Variants in PLA2R1 observed in about 807,000 individuals in gnomAD.
PLA2R1 encodes the protein secretory phospholipase A2 receptor.
In PLA2R1, 158 loss-of-function variants were observed where a neutral mutation model predicts 195.9. The observed-to-expected ratio is 0.81, with a 90% CI of 0.71 to 0.92. PLA2R1 has a LOEUF of 0.92. PLA2R1 is among the 40% of genes least tolerant of loss of function. The pLI, the probability that PLA2R1 is intolerant of heterozygous loss-of-function variation, is 0.00. For synonymous variants in PLA2R1, 586 were observed against 598.2 expected, an observed-to-expected ratio of 0.98 and a Z score of 0.30; for missense variants, 1,626 against 1,764.6, an observed-to-expected ratio of 0.92 and a Z score of 1.41.
At chr2:159,988,241 G>A (rs1690499698) in intron 11 of PLA2R1, among the ~76,000 whole-genome samples, 1 of 148,492 alleles carries the variant, frequency 6.7e-6, no homozygotes, top group South Asian at 2.2e-4. Flanking sequence ...AAATGAGTAA[G>A]AATGAGCTTG....
intron 1 of PLA2R1, among the ~76,000 whole-genome samples, chr2:160,055,917 C>A (rs1168860288): frequency 6.6e-6 from 1 of 152,170 alleles, no homozygotes; most frequent in Non-Finnish European, 1.5e-5. Flanking sequence ...CCACTGCCGC[C>A]TCCAGGTAGT....
Position 159,976,695 on chromosome 2 carries a change from C to A in PLA2R1, c.2427G>T (p.Trp809Cys). 1 of 1,605,242 alleles carries A rather than the reference C, an allele frequency of 6.2e-7. No individual in the cohort carries two copies. Among genetic ancestry groups the A allele is most frequent in the Non-Finnish European group, 8.5e-7 (1 of 1,172,636 alleles). Residue 809 changes from tryptophan (W) to cysteine (C), a missense_variant, in exon 16 of 30, where the codon TGG becomes TGT. Physicochemically the swap from Trp to Cys is radical, Grantham distance 215. Transcript: ENST00000283243. ...CAGAGTCATTCTTACCGTACTGGTA[C>A]CAGAACGGAATCTTGGGTTTCACAT... ...PRDVKPKIPF[W>C]YQYDVPWLFY...
intron 2 of PLA2R1, among the ~76,000 whole-genome samples, chr2:160,043,258 T>C (rs758458416): frequency 4.6e-5 from 7 of 151,892 alleles, no homozygotes; most frequent in Non-Finnish European, 1.0e-4. Context: ...GATGCCCTGT[T>C]TGCAAAGGGG....
At position 159,951,454 on chromosome 2, in the gene PLA2R1, G is replaced by A; in HGVS notation, c.3426C>T (p.Cys1142=). 1 of 1,612,352 alleles carries A rather than the reference G, an allele frequency of 6.2e-7. No individual in the cohort carries two copies. Among genetic ancestry groups the A allele is most frequent in the Non-Finnish European group, 8.5e-7 (1 of 1,178,370 alleles). The part of the protein sequence containing the change: ...NMTWYAAIKT[C]LMHKAQLVSI... ...TGACCAGTTGTGCTTTGTGCATCAGGCAGGTTTTTATTGCTGCATACCAAG... is the reference window on the plus strand; with the variant it reads ...TGACCAGTTGTGCTTTGTGCATCAGACAGGTTTTTATTGCTGCATACCAAG... Residue 1142 remains cysteine (C), a synonymous_variant, in exon 24 of 30, where the codon TGC becomes TGT. Transcript: ENST00000283243.
chr2:160,056,129 G>A (rs977453186), intron 1 of PLA2R1, among the ~76,000 whole-genome samples: 1 of 152,156 alleles, frequency 6.6e-6, no homozygotes, highest in Non-Finnish European at 1.5e-5. Flanking sequence ...ACTGCAGGTT[G>A]TGGCCCATTT....
At chr2:160,021,069 GAAAC>G (rs963259805) in intron 7 of PLA2R1, among the ~76,000 whole-genome samples, 6 of 152,250 alleles carry the variant, frequency 3.9e-5, no homozygotes, top group Non-Finnish European at 7.4e-5. Flanking sequence ...AAAAGGGCAT[GAAAC>G]AAACAAACTT....
intron 11 of PLA2R1, among the ~76,000 whole-genome samples, chr2:159,995,602 G>GGTC (rs1691158112): frequency 6.6e-6 from 1 of 151,892 alleles, no homozygotes; most frequent in South Asian, 2.1e-4. Context: ...TGTAGAACAA[G>GGTC]GTCGTTCTGT....
chr2:160,008,691 A>C (rs1692157208), intron 10 of PLA2R1, among the ~76,000 whole-genome samples: 1 of 152,256 alleles, frequency 6.6e-6, no homozygotes, highest in South Asian at 2.1e-4. Flanking sequence ...ATAAGAAATT[A>C]ATAAATTGGA....
rs5835779 is a variant in PLA2R1 at position 159,942,973 on chromosome 2, CT to C, written c.4145-815del. Among the ~76,000 whole-genome samples the C allele has an allele frequency of 5.8e-3, 802 of 139,334 alleles. 3 individuals carry two copies. The highest frequency in any genetic ancestry group is 0.011 in the Middle Eastern group (3 of 264). The allele number at this position is 139,334 out of a possible 152,430, so 91.4% of individuals were successfully genotyped here. Reference sequence around the variant, plus strand: ...CCATACTTTTAAAACCAGACTTGTTCTTTTTTTTTTTTTTTTGAGGCGAAGT... The same window carrying C: ...CCATACTTTTAAAACCAGACTTGTTCTTTTTTTTTTTTTTTGAGGCGAAGT... On this transcript the variant is annotated intron_variant, in intron 28 of 29. Transcript: ENST00000283243.
chr2:160,038,620 G>A (rs1031769049), intron 3 of PLA2R1, among the ~76,000 whole-genome samples: 3 of 152,184 alleles, frequency 2.0e-5, no homozygotes, highest in African/African-American at 7.2e-5. Context: ...TTGCCAAACT[G>A]TCTGTCTGAT....
At chr2:159,930,594 C>CT (rs748230452), downstream of PLA2R1, among the ~76,000 whole-genome samples, 15 of 152,112 alleles carry the variant, frequency 9.9e-5, no homozygotes, top group Non-Finnish European at 1.9e-4. Context: ...CGGAGTCAGA[C>CT]TTTCTCTCAG....
At position 159,935,173 on chromosome 2, in the gene PLA2R1, CT is replaced by C. The variant is rs1344046134; in HGVS notation, c.*6604del. ...ATGCTGATGTGGCTTATTACTGCTT[CT>C]GTTAACCTTGATCCCTTGATTAAAG... On this transcript the variant is annotated 3_prime_UTR_variant, in exon 30 of 30. Coordinates refer to ENST00000283243, the MANE Select transcript of PLA2R1 (RefSeq NM_007366.5). The C allele has an allele frequency of 6.6e-6, 1 of 152,176 alleles. No individual in the cohort carries two copies. The highest frequency in any genetic ancestry group is 2.4e-5 in the African/African-American group (1 of 41,434). 9.4% of individuals were successfully genotyped at this position (152,176 alleles called of 1,614,324 possible).
At position 159,936,339 on chromosome 2, in the gene PLA2R1, G is replaced by A. The variant is rs896763930; in HGVS notation, c.*5439C>T. The stretch of plus-strand genomic sequence containing the variant: ...ATATTGAGTTGTCATTTCAATTATT[G>A]TTAGTATACAATTGATCAGAACAAA... On this transcript the variant is annotated 3_prime_UTR_variant, in exon 30 of 30. Coordinates refer to ENST00000283243, the MANE Select transcript of PLA2R1 (RefSeq NM_007366.5). The A allele has an allele frequency of 1.3e-5, 2 of 152,200 alleles. No individual in the cohort carries two copies. The highest frequency in any genetic ancestry group is 4.8e-5 in the African/African-American group (2 of 41,532). 9.4% of individuals were successfully genotyped at this position (152,200 alleles called of 1,614,324 possible).
At chr2:160,025,385 C>T (rs1468696246) in intron 6 of PLA2R1, among the ~76,000 whole-genome samples, 1 of 151,608 alleles carries the variant, frequency 6.6e-6, no homozygotes, top group Non-Finnish European at 1.5e-5. Flanking sequence ...AAATAAATAA[C>T]CAAGATGGTA....
chr2:159,930,656 G>A (rs1686567477), downstream of PLA2R1, among the ~76,000 whole-genome samples: 1 of 152,130 alleles, frequency 6.6e-6, no homozygotes, highest in Admixed American at 6.5e-5. Context: ...GATTTTTGGT[G>A]AACACGGAAA....
Sources: allele counts gnomAD v4.1 joint callset (sites outside exome capture counted in the v4.1 genomes callset), GRCh38; gene constraint gnomAD v4.1.1; transcripts MANE v1.5; gene names NCBI Gene and HGNC (gene_info 2026-07-23, HGNC 2026-07-21).